RABL6: variants seen among roughly 807,000 people sequenced by gnomAD.
RABL6 encodes rab-like protein 6.
RABL6 carries 28 observed loss-of-function variants against 72.9 expected under a neutral mutation model. That is an observed-to-expected ratio of 0.38 (90% CI 0.28 to 0.53). The LOEUF (loss-of-function observed/expected upper bound fraction) is 0.53. Ranked by LOEUF, RABL6 falls within the 20% of genes least tolerant of loss-of-function variation. The pLI, the probability that RABL6 is intolerant of heterozygous loss-of-function variation, is 0.80. For synonymous variants in RABL6, 477 were observed against 421.2 expected (o/e 1.13, Z -1.62); for missense variants, 1,029 against 1,008.4 (o/e 1.02, Z -0.28).
chr9:136,810,002 T>G (rs1308158490), intron 1 of RABL6: 1 of 152,268 alleles, frequency 6.6e-6, no homozygotes. Context: ...GAAAATAAAG[T>G]GGTGCATTTT....
chr9:136,839,308 G>A lies in RABL6; in HGVS notation c.1580G>A (p.Arg527His), dbSNP rs747622280. 1.3e-5 allele frequency: 21 copies of A among 1,612,086 alleles called. No individual in the cohort carries two copies. The highest frequency in any genetic ancestry group is 4.5e-5 in the East Asian group (2 of 44,874). The change falls in exon 12 of 15, where the codon CGC becomes CAC. Residue 527 changes from arginine (R) to histidine (H), a missense_variant. Physicochemically the swap from Arg to His is conservative, Grantham distance 29 (BLOSUM62 0). Coordinates refer to ENST00000311502, the MANE Select transcript of RABL6 (RefSeq NM_024718.5). ...APPWPGGVSV[R>H]TGPEKRSSTR... ...CCCTGGCCAGGCGGTGTCTCTGTTCGCACAGGTCCGGAGAAGCGCAGCAGC... is the reference window on the plus strand; with the variant it reads ...CCCTGGCCAGGCGGTGTCTCTGTTCACACAGGTCCGGAGAAGCGCAGCAGC...
chr9:136,837,701 C>T (rs1216738560), intron 9 of RABL6, 39 bp downstream of exon 9: 8 of 1,550,490 alleles, frequency 5.2e-6, no homozygotes, highest in Non-Finnish European at 7.0e-6. Flanking sequence ...TGGTCCCAGA[C>T]CCCCAGGCCC....
At chr9:136,825,959 T>C (rs1233282733) in intron 3 of RABL6, 133 bp downstream of exon 3, 1 of 1,086,762 alleles carries the variant, frequency 9.2e-7, no homozygotes, top group Non-Finnish European at 1.4e-6. Context: ...CTTGCTGCTC[T>C]GCTCCCCTCC....
rs758110733 is a variant in RABL6, at chr9:136,823,591, G to A, written c.197G>A (p.Arg66Gln). The A allele has an allele frequency of 5.8e-5, 94 of 1,613,804 alleles. No individual in the cohort carries two copies. The East Asian group carries it at 1.4e-3, about 24-fold the overall frequency. ...GCGCTGTGGCACCGCCTGCAGGGCC[G>A]GCCGTTCGTGGAGGAGTACATCCCC... is the stretch of plus-strand genomic sequence containing the variant. ...KTALWHRLQG[R>Q]PFVEEYIPTQ... The change falls in exon 2 of 15, where the codon CGG (arginine) becomes CAG (glutamine). Residue 66 changes from arginine to glutamine, a missense_variant. Around this residue, in one of 2 missense-constraint regions of RABL6, gnomAD observed 434 missense variants for 536.1 expected, o/e 0.81. Coordinates refer to ENST00000311502, the MANE Select transcript of RABL6 (RefSeq NM_024718.5).
At chr9:136,817,605 G>GACGTGGGCTGAGGGGAGGCCA (rs1848147025) in intron 1 of RABL6, among the ~76,000 whole-genome samples, 1 of 151,524 alleles carries the variant, frequency 6.6e-6, no homozygotes, top group Admixed American at 6.6e-5. Flanking sequence ...AGGGGAGGCC[G>GACGTGGGCTGAGGGGAGGCCA]ACGTGGGCTG....
chr9:136,821,794 C>T (rs1193141529), intron 1 of RABL6: 1 of 1,174,740 alleles, frequency 8.5e-7, no homozygotes, highest in African/African-American at 1.7e-5. Context: ...TCCAAGTTCT[C>T]CGCGGGAGAG....
intron 1 of RABL6, among the ~76,000 whole-genome samples, chr9:136,820,905 A>G (rs1848223226): frequency 6.6e-6 from 1 of 152,232 alleles, no homozygotes; most frequent in South Asian, 2.1e-4. Flanking sequence ...AACTCCGTGC[A>G]TCCAGATGGT....
chr9:136,825,480 C>CGGGGAGGGAGGGG (rs1848334887), intron 2 of RABL6, among the ~76,000 whole-genome samples: 1 of 145,084 alleles, frequency 6.9e-6, no homozygotes, highest in Admixed American at 6.7e-5. Context: ...GGATCGGGGC[C>CGGGGAGGGAGGGG]CTGGAGGGAG....
chr9:136,836,948 A>T, intron 8 of RABL6: 1 of 323,076 alleles, frequency 3.1e-6, no homozygotes, highest in Non-Finnish European at 6.1e-6. Context: ...ATCTCGGCTC[A>T]CCGCAAGCTC....
At chr9:136,825,498 G>A (rs1469791209) in intron 2 of RABL6, among the ~76,000 whole-genome samples, 1 of 149,382 alleles carries the variant, frequency 6.7e-6, no homozygotes, top group East Asian at 1.9e-4. Context: ...GAGGGGCCGT[G>A]CCCAGGATCG....
chr9:136,815,324 AG>A (rs1157065989), intron 1 of RABL6: 1 of 275,876 alleles, frequency 3.6e-6, no homozygotes, highest in Non-Finnish European at 7.4e-6. Flanking sequence ...TGGCACCTGC[AG>A]CCTTTTTTGT....
chr9:136,819,085 G>A (rs1848184511), intron 1 of RABL6, among the ~76,000 whole-genome samples: 1 of 152,142 alleles, frequency 6.6e-6, no homozygotes, highest in South Asian at 2.1e-4. Flanking sequence ...CACTTTGGGA[G>A]GCCAAGGCGA....
chr9:136,823,019 T>C (rs894719184), intron 1 of RABL6, among the ~76,000 whole-genome samples: 18 of 139,388 alleles, frequency 1.3e-4, no homozygotes, highest in Middle Eastern at 3.7e-3. Flanking sequence ...ACCCGGGAGG[T>C]GGAGCTTGCA....
At chr9:136,822,021 C>G (rs978832429) in intron 1 of RABL6, 1 of 1,289,650 alleles carries the variant, frequency 7.8e-7, no homozygotes, top group South Asian at 1.2e-5. Context: ...AGGAAATGAA[C>G]AAGCTTCAGG....
Position 136,821,922 on chromosome 9 carries a change from C to T in RABL6, c.131-1603C>T, listed in dbSNP as rs867699106. 116 of 1,287,614 alleles carry T rather than the reference C, an allele frequency of 9.0e-5. 2 individuals carry two copies. In the South Asian group the frequency reaches 1.4e-3, roughly 15 times the overall value. 79.8% of individuals were successfully genotyped at this position (1,287,614 alleles called of 1,614,324 possible). On this transcript the variant is annotated intron_variant, in intron 1 of 14. Transcript: ENST00000311502. ...CGTGGCCGTGAGGGCGCCTGGGTCC[C>T]CTCTGGAGGTTTTGCCGCAGCGCTG...
chr9:136,825,249 T>A (rs1036576494), intron 2 of RABL6, among the ~76,000 whole-genome samples: 1 of 152,236 alleles, frequency 6.6e-6, no homozygotes, highest in Non-Finnish European at 1.5e-5. Flanking sequence ...TAGAGGCCAG[T>A]CACTGGATGA....
Position 136,840,067 on chromosome 9 carries a change from C to T in RABL6, c.1931-87C>T, listed in dbSNP as rs1264322869. 2.5e-6 allele frequency: 4 copies of T among 1,583,098 alleles called. No homozygotes were observed. The African/African-American group carries it at 4.0e-5, about 16-fold the overall frequency. Reference sequence around the variant, plus strand: ...CCTCCTGGAGGGCTGGGGCTCGCTGCTTTGTGAGTTTCTAGAGAAGTCCTG... The same window carrying T: ...CCTCCTGGAGGGCTGGGGCTCGCTGTTTTGTGAGTTTCTAGAGAAGTCCTG... On this transcript the variant is annotated intron_variant, in intron 13 of 14. Transcript: ENST00000311502.
intron 1 of RABL6, chr9:136,815,220 G>A: frequency 3.2e-6 from 1 of 311,914 alleles, no homozygotes; most frequent in Non-Finnish European, 6.3e-6. Flanking sequence ...CTTCTTGCCA[G>A]GAGCTGCTGC....
intron 5 of RABL6, 87 bp downstream of exon 5, chr9:136,829,571 A>G: frequency 8.3e-7 from 1 of 1,204,638 alleles, no homozygotes; most frequent in Admixed American, 2.0e-5. Flanking sequence ...GATAATGGTT[A>G]GAGCAGCATC....
Sources: allele counts gnomAD v4.1 joint callset (sites outside exome capture counted in the v4.1 genomes callset), GRCh38; gene constraint gnomAD v4.1.1; regional missense constraint gnomAD v4.1.1; transcripts MANE v1.5; gene names NCBI Gene and HGNC (gene_info 2026-07-23, HGNC 2026-07-21).